Variants in GLI3 observed in about 807,000 individuals in gnomAD.
GLI3 encodes the protein transcription activator GLI3.
GLI3 carries 20 observed loss-of-function variants against 100.8 expected under a neutral mutation model. The ratio of observed to expected loss-of-function variants is 0.20; its 90% confidence interval spans 0.14 to 0.29. The LOEUF (loss-of-function observed/expected upper bound fraction) is 0.29, where lower values mean the gene tolerates loss of function less well. GLI3 is among the 10% of genes least tolerant of loss of function. The pLI, the probability that GLI3 is intolerant of heterozygous loss-of-function variation, is 1.00. For missense variants in GLI3, 2,040 were observed against 2,128.5 expected (o/e 0.96, Z 0.82); for synonymous variants, 938 against 860.5 (o/e 1.09, Z -1.58).
chr7:41,978,706 C>A lies in GLI3; in HGVS notation c.1540G>T (p.Val514Leu). 6.2e-7 allele frequency: 1 copy of A among 1,613,758 alleles called. No homozygotes were observed. The highest frequency in any genetic ancestry group is 8.5e-7 in the Non-Finnish European group (1 of 1,179,678). The change falls in exon 11 of 15, where the codon GTG (valine) becomes TTG (leucine). Residue 514 changes from valine to leucine, a missense_variant. Physicochemically the swap from Val to Leu is conservative, Grantham distance 32. Transcript: ENST00000395925. Reference protein sequence around the residue: ...DHIHGEKKEFVCRWLDCSREQ... With the variant: ...DHIHGEKKEFLCRWLDCSREQ... ...CTTGAGCAGTCCAGCCACCTGCACA[C>A]GAACTCCTTCTTCTCTCCATGAATA...
At chr7:42,056,952 A>C (rs1489536959) in intron 4 of GLI3, among the ~76,000 whole-genome samples, 1 of 150,056 alleles carries the variant, frequency 6.7e-6, no homozygotes, top group Non-Finnish European at 1.5e-5. Context: ...ATTGCACTCC[A>C]GCCAGGGCAA....
chr7:41,968,940 A>G (rs1345699212), intron 13 of GLI3, among the ~76,000 whole-genome samples: 1 of 152,184 alleles, frequency 6.6e-6, no homozygotes, highest in Admixed American at 6.5e-5. Context: ...ACAATGCTGC[A>G]AACAATGGAA....
intron 3 of GLI3, among the ~76,000 whole-genome samples, chr7:42,112,340 C>T (rs1280023376): frequency 6.6e-6 from 1 of 151,934 alleles, no homozygotes; most frequent in Non-Finnish European, 1.5e-5. Flanking sequence ...TATATGACCA[C>T]AGAATATAGT....
chr7:42,059,115 G>A (rs1339085756), intron 4 of GLI3, among the ~76,000 whole-genome samples: 1 of 152,166 alleles, frequency 6.6e-6, no homozygotes, highest in Non-Finnish European at 1.5e-5. Flanking sequence ...AAGAACAGAA[G>A]AGAAAAAGAA....
intron 3 of GLI3, among the ~76,000 whole-genome samples, chr7:42,090,814 G>A (rs1245403240): frequency 6.6e-6 from 1 of 152,172 alleles, no homozygotes; most frequent in Non-Finnish European, 1.5e-5. Flanking sequence ...CAGGTACTAA[G>A]GACTGCCCTA....
At chr7:42,154,737 C>G (rs1300895582) in intron 2 of GLI3, among the ~76,000 whole-genome samples, 1 of 152,182 alleles carries the variant, frequency 6.6e-6, no homozygotes, top group Non-Finnish European at 1.5e-5. Flanking sequence ...TTTTAAAAAG[C>G]AGAATATTTC....
chr7:42,097,118 G>T, intron 3 of GLI3, among the ~76,000 whole-genome samples: 1 of 152,196 alleles, frequency 6.6e-6, no homozygotes, highest in Non-Finnish European at 1.5e-5. Context: ...GAGATAGAAG[G>T]AGTTAACAGG....
intron 3 of GLI3, among the ~76,000 whole-genome samples, chr7:42,089,643 C>T (rs1344097205): frequency 6.6e-6 from 1 of 152,222 alleles, no homozygotes; most frequent in Non-Finnish European, 1.5e-5. Flanking sequence ...TATCTGCTCT[C>T]CATTTTGCCC....
chr7:42,044,090 G>A (rs560475888), intron 6 of GLI3, among the ~76,000 whole-genome samples: 9 of 152,276 alleles, frequency 5.9e-5, no homozygotes, highest in Middle Eastern at 3.4e-3. Context: ...AGCAGACTAA[G>A]GCTGTAGAGT....
chr7:42,113,069 C>T (rs1272222072), intron 3 of GLI3, among the ~76,000 whole-genome samples: 1 of 152,010 alleles, frequency 6.6e-6, no homozygotes, highest in African/African-American at 2.4e-5. Flanking sequence ...GCTACTCACT[C>T]GGGAGGCTGA....
intron 1 of GLI3, among the ~76,000 whole-genome samples, chr7:42,244,264 A>G (rs899507716): frequency 3.3e-5 from 5 of 152,258 alleles, no homozygotes; most frequent in African/African-American, 1.2e-4. Context: ...GATACCATCC[A>G]GAGAAACACA....
chr7:42,046,404 G>A (rs1242359203), intron 5 of GLI3, among the ~76,000 whole-genome samples: 1 of 152,128 alleles, frequency 6.6e-6, no homozygotes, highest in Non-Finnish European at 1.5e-5. Flanking sequence ...AGGTTTGTGG[G>A]TATTTTATAT....
At chr7:42,178,487 C>T (rs1787526081) in intron 2 of GLI3, among the ~76,000 whole-genome samples, 1 of 152,160 alleles carries the variant, frequency 6.6e-6, no homozygotes, top group African/African-American at 2.4e-5. Context: ...AACGGCCTTG[C>T]CTCTTATCTC....
chr7:41,984,425 C>T (rs1311354366), intron 10 of GLI3, among the ~76,000 whole-genome samples: 30 of 152,170 alleles, frequency 2.0e-4, no homozygotes, highest in Non-Finnish European at 7.3e-5. Context: ...CCAATTCCCA[C>T]TCAGAAACAC....
intron 12 of GLI3, among the ~76,000 whole-genome samples, chr7:41,973,187 C>T (rs1787412570): frequency 6.6e-6 from 1 of 152,180 alleles, no homozygotes; most frequent in African/African-American, 2.4e-5. Context: ...TTAGATGACA[C>T]TAAAATGTGC....
At chr7:42,178,211 G>T (rs547536446) in intron 2 of GLI3, among the ~76,000 whole-genome samples, 1 of 152,292 alleles carries the variant, frequency 6.6e-6, no homozygotes, top group South Asian at 2.1e-4. Context: ...CTCCAGGGAA[G>T]ACAGTCAGGA....
chr7:42,003,771 T>G (rs1417064461), intron 10 of GLI3, among the ~76,000 whole-genome samples: 1 of 152,214 alleles, frequency 6.6e-6, no homozygotes, highest in Non-Finnish European at 1.5e-5. Context: ...GAGCAAATTA[T>G]TATGCTACGT....
At chr7:41,974,737 T>A (rs1407450949) in intron 12 of GLI3, among the ~76,000 whole-genome samples, 1 of 152,222 alleles carries the variant, frequency 6.6e-6, no homozygotes, top group Non-Finnish European at 1.5e-5. Context: ...CTAAATTAGA[T>A]CATGTACATG....
intron 1 of GLI3, among the ~76,000 whole-genome samples, chr7:42,226,481 A>G (rs1225941872): frequency 6.6e-6 from 1 of 152,228 alleles, no homozygotes; most frequent in African/African-American, 2.4e-5. Context: ...GAGAAGAGGT[A>G]AAGCTCCAGG....
Sources: gnomAD v4.1 joint callset for allele counts (sites outside exome capture counted in the v4.1 genomes callset) on GRCh38, gnomAD v4.1.1 for gene constraint, MANE v1.5 for transcripts, NCBI Gene and HGNC (gene_info 2026-07-23, HGNC 2026-07-21) for gene names.